TMCO4: variants seen among roughly 807,000 people sequenced by gnomAD.
The protein encoded by TMCO4 is transmembrane and coiled-coil domain-containing protein 4.
Under a neutral mutation model 64.7 loss-of-function variants are expected in TMCO4, and 58 were observed. That is an observed-to-expected ratio of 0.90 (90% confidence interval 0.73 to 1.12). The LOEUF (loss-of-function observed/expected upper bound fraction) is 1.12. Among genes scored for constraint, TMCO4 ranks in the 50% most tolerant of loss-of-function variants. The pLI, the probability that TMCO4 is intolerant of heterozygous loss-of-function variation, is 0.00. For synonymous variants in TMCO4, 325 were observed against 346.1 expected (o/e 0.94, Z 0.68); for missense variants, 780 against 825.9 (o/e 0.94, Z 0.68).
chr1:19,715,838 C>A (rs1257623821), intron 13 of TMCO4, among the ~76,000 whole-genome samples: 1 of 152,216 alleles, frequency 6.6e-6, no homozygotes, highest in East Asian at 1.9e-4. Context: ...CAGAACCCTA[C>A]CCCAAGAGCT....
intron 2 of TMCO4, among the ~76,000 whole-genome samples, chr1:19,794,584 G>A (rs2044210970): frequency 6.6e-6 from 1 of 152,200 alleles, no homozygotes; most frequent in African/African-American, 2.4e-5. Flanking sequence ...AAACACAGGG[G>A]GGACCCCTCA....
At chr1:19,779,196 G>C (rs74513252) in intron 4 of TMCO4, among the ~76,000 whole-genome samples, 2,371 of 152,290 alleles carry the variant, frequency 0.016, 66 homozygotes, top group African/African-American at 0.054. Context: ...CCTGGCCCAA[G>C]TCTTGTGCTC....
intron 7 of TMCO4, among the ~76,000 whole-genome samples, chr1:19,755,340 G>A (rs1377666700): frequency 6.6e-6 from 1 of 152,178 alleles, no homozygotes; most frequent in East Asian, 1.9e-4. Context: ...TGGTCAGGCT[G>A]GTCTCGAACT....
At position 19,780,133 on chromosome 1, in the gene TMCO4, G is replaced by A. The variant is rs367941596; in HGVS notation, c.179+447C>T. Among the ~76,000 whole-genome samples the A allele has an allele frequency of 1.5e-4, 23 of 152,260 alleles. No individual in the cohort carries two copies. In the South Asian group the frequency reaches 2.7e-3, roughly 18 times the overall value. The stretch of plus-strand genomic sequence containing the variant: ...CGTTAGTTAGATTCTCATAAGAAGC[G>A]TGCCACCTAGATCCCTCGCGTGCGC... On this transcript the variant is annotated intron_variant, in intron 4 of 15. Coordinates refer to ENST00000294543, the MANE Select transcript of TMCO4 (RefSeq NM_181719.7).
intron 6 of TMCO4, among the ~76,000 whole-genome samples, chr1:19,769,727 G>C (rs1266437): frequency 6.6e-6 from 1 of 151,952 alleles, no homozygotes; most frequent in Non-Finnish European, 1.5e-5. Context: ...GAAGTTGGAC[G>C]GGAGCTGTGG....
chr1:19,697,770 TG>T (rs1419393882), intron 14 of TMCO4, among the ~76,000 whole-genome samples: 42 of 131,544 alleles, frequency 3.2e-4, no homozygotes, highest in Admixed American at 1.3e-3. Flanking sequence ...GGCTAATTTT[TG>T]TATTTTTTTT....
intron 13 of TMCO4, among the ~76,000 whole-genome samples, chr1:19,721,784 G>A (rs1431259952): frequency 1.3e-5 from 2 of 150,980 alleles, no homozygotes; most frequent in African/African-American, 4.9e-5. Flanking sequence ...GGGAGACCCT[G>A]TCTCAAACAA....
At chr1:19,687,476 C>A (rs767229377) in intron 15 of TMCO4, among the ~76,000 whole-genome samples, 3 of 152,182 alleles carry the variant, frequency 2.0e-5, no homozygotes, top group Non-Finnish European at 4.4e-5. Context: ...AACCATGAAG[C>A]ACAGTGCCTG....
At chr1:19,720,391 T>C (rs961967467) in intron 13 of TMCO4, among the ~76,000 whole-genome samples, 28 of 152,130 alleles carry the variant, frequency 1.8e-4, no homozygotes, top group African/African-American at 6.5e-4. Context: ...ACTAAGTACA[T>C]GGGGTCTGTT....
At chr1:19,766,278 G>A (rs1054481681) in intron 6 of TMCO4, among the ~76,000 whole-genome samples, 16 of 152,172 alleles carry the variant, frequency 1.1e-4, no homozygotes, top group African/African-American at 3.4e-4. Context: ...TGGAGCTCAC[G>A]AGGAAGGACC....
intron 13 of TMCO4, among the ~76,000 whole-genome samples, chr1:19,708,876 C>G (rs76243266): frequency 0.044 from 6,751 of 152,266 alleles, 269 homozygotes; most frequent in Admixed American, 0.1. Flanking sequence ...TTTTCTCCCT[C>G]CTGGTGGGGG....
chr1:19,784,767 T>C (rs1222939362), intron 3 of TMCO4, among the ~76,000 whole-genome samples: 1 of 81,304 alleles, frequency 1.2e-5, no homozygotes, highest in Non-Finnish European at 2.5e-5. Context: ...ATCTTTTGGC[T>C]TCCCTGGGCT....
chr1:19,749,502 G>C (rs1223429108), intron 7 of TMCO4, among the ~76,000 whole-genome samples: 2 of 152,002 alleles, frequency 1.3e-5, no homozygotes, highest in East Asian at 3.9e-4. Context: ...CATGTAGCTG[G>C]GATTATAGAT....
In TMCO4 at chr1:19,732,238, C is replaced by A. The variant is rs1570798064; in HGVS notation, c.1264+5134G>T. Among the ~76,000 whole-genome samples, 1 of 152,328 alleles carries A rather than the reference C, an allele frequency of 6.6e-6. No homozygotes were observed. Among genetic ancestry groups the A allele is most frequent in the East Asian group, 1.9e-4 (1 of 5,186 alleles). Reference sequence around the variant, plus strand: ...CCAGGCTGGAGTGCAGTGGCACGATCATGGCTCACTGCATCTTCAACCTCC... The same window carrying A: ...CCAGGCTGGAGTGCAGTGGCACGATAATGGCTCACTGCATCTTCAACCTCC... On this transcript the variant is annotated intron_variant, in intron 13 of 15. Coordinates refer to ENST00000294543, the MANE Select transcript of TMCO4 (RefSeq NM_181719.7). The surrounding 1 kb of genome is among the most constrained non-coding windows in gnomAD (Gnocchi z 4.8).
chr1:19,771,408 G>A lies in TMCO4; in HGVS notation c.254C>T (p.Thr85Ile), dbSNP rs771455911. ...ELSEAVLPTM[T>I]AFASGLGGEG... The stretch of plus-strand genomic sequence containing the variant: ...ACCTCCCAGGCCGCTCGCAAAAGCA[G>A]TCATGGTTGGCAAGACAGCTTCAGA... Residue 85 changes from threonine (T) to isoleucine (I), a missense_variant, in exon 5 of 16, where the codon ACT becomes ATT. By Grantham distance (89) the Thr-to-Ile change is moderately conservative. Transcript: ENST00000294543. 5 of 1,614,094 alleles carry A rather than the reference G, an allele frequency of 3.1e-6. No individual in the cohort carries two copies. The African/African-American group carries it at 5.3e-5, about 17-fold the overall frequency.
intron 2 of TMCO4, among the ~76,000 whole-genome samples, chr1:19,790,732 T>C (rs1251281964): frequency 6.6e-6 from 1 of 152,310 alleles, no homozygotes; most frequent in East Asian, 1.9e-4. Context: ...AGTTCAACCA[T>C]TGTCGAAGAC....
At chr1:19,717,454 A>T (rs1363455978) in intron 13 of TMCO4, among the ~76,000 whole-genome samples, 1 of 152,180 alleles carries the variant, frequency 6.6e-6, no homozygotes, top group Admixed American at 6.5e-5. Context: ...ATCAAGTGAA[A>T]ATGCTACTAC....
At chr1:19,742,994 G>A (rs1236324002) in intron 10 of TMCO4, among the ~76,000 whole-genome samples, 1 of 152,024 alleles carries the variant, frequency 6.6e-6, no homozygotes, top group African/African-American at 2.4e-5. Context: ...AGGTTGCAGT[G>A]AGCCAAGATC....
intron 13 of TMCO4, among the ~76,000 whole-genome samples, chr1:19,711,014 G>A (rs1447032497): frequency 6.6e-6 from 1 of 152,170 alleles, no homozygotes; most frequent in Non-Finnish European, 1.5e-5. Context: ...TAGGCAATTG[G>A]CCCACATCCT....
Sources: allele counts gnomAD v4.1 joint callset (sites outside exome capture counted in the v4.1 genomes callset), GRCh38; gene constraint gnomAD v4.1.1; non-coding constraint Gnocchi (gnomAD v3.1); transcripts MANE v1.5; gene names NCBI Gene and HGNC (gene_info 2026-07-23, HGNC 2026-07-21).